Variants in CCDC148 observed in about 807,000 individuals in gnomAD.
CCDC148 encodes coiled-coil domain-containing protein 148.
Under a neutral mutation model 85.7 loss-of-function variants are expected in CCDC148, and 89 were observed. The ratio of observed to expected loss-of-function variants is 1.04; its 90% CI spans 0.87 to 1.24. The LOEUF (loss-of-function observed/expected upper bound fraction) is 1.24. Among genes scored for constraint, CCDC148 ranks in the 50% most tolerant of loss-of-function variants. CCDC148 has a pLI of 0.00. For synonymous variants in CCDC148, 230 were observed against 213.9 expected (o/e 1.08, Z -0.66); for missense variants, 692 against 671.7 (o/e 1.03, Z -0.33).
intron 1 of CCDC148, among the ~76,000 whole-genome samples, chr2:158,437,254 C>G (rs891055842): frequency 6.6e-6 from 1 of 152,164 alleles, no homozygotes; most frequent in Non-Finnish European, 1.5e-5. Flanking sequence ...CCGAATCCAG[C>G]AGCACATCAA....
Position 158,171,937 on chromosome 2 carries a change from A to C in CCDC148, c.*176T>G. The C allele has an allele frequency of 2.0e-6, 1 of 499,182 alleles. No individual in the cohort carries two copies. Among genetic ancestry groups the C allele is most frequent in the Non-Finnish European group, 3.5e-6 (1 of 288,888 alleles). 30.9% of individuals were successfully genotyped at this position (499,182 alleles called of 1,614,324 possible). On this transcript the variant is annotated 3_prime_UTR_variant, in exon 14 of 14. Coordinates refer to ENST00000283233, the MANE Select transcript of CCDC148 (RefSeq NM_138803.4). ...ACTATTAAATATAACTTAAAGATAC[A>C]GGAAATATAGTGCATAAAATTCTAA...
intron 9 of CCDC148, among the ~76,000 whole-genome samples, chr2:158,308,499 C>T (rs568924772): frequency 9.2e-5 from 14 of 152,248 alleles, no homozygotes; most frequent in African/African-American, 3.4e-4. Context: ...AAACATTTTT[C>T]CTCTAATGTT....
At chr2:158,341,420 C>T (rs941220637) in intron 3 of CCDC148, among the ~76,000 whole-genome samples, 2 of 151,718 alleles carry the variant, frequency 1.3e-5, no homozygotes, top group Non-Finnish European at 2.9e-5. Flanking sequence ...GATCCTCGTG[C>T]CTAAGCCTCC....
chr2:158,432,059 A>T (rs1410151545), intron 1 of CCDC148, among the ~76,000 whole-genome samples: 1 of 152,192 alleles, frequency 6.6e-6, no homozygotes, highest in Non-Finnish European at 1.5e-5. Context: ...GGTTTTATAT[A>T]ATGAATAAGC....
chr2:158,436,258 A>G (rs1231753153), intron 1 of CCDC148, among the ~76,000 whole-genome samples: 1 of 152,208 alleles, frequency 6.6e-6, no homozygotes. Flanking sequence ...GTCAAAGAAC[A>G]GAAATTATAA....
intron 9 of CCDC148, among the ~76,000 whole-genome samples, chr2:158,300,296 G>A (rs1691380764): frequency 6.6e-6 from 1 of 152,174 alleles, no homozygotes; most frequent in Non-Finnish European, 1.5e-5. Context: ...AAAAGTTACT[G>A]AGCACCTATC....
chr2:158,355,163 T>A (rs1287801711), intron 2 of CCDC148, among the ~76,000 whole-genome samples: 1 of 151,640 alleles, frequency 6.6e-6, no homozygotes, highest in East Asian at 2.0e-4. Context: ...CTTTGAAAAC[T>A]GGCACAAGAC....
chr2:158,273,197 T>G (rs572052753), intron 9 of CCDC148, among the ~76,000 whole-genome samples: 1 of 152,168 alleles, frequency 6.6e-6, no homozygotes. Flanking sequence ...ACAGACCTGA[T>G]ACAGAAGGCA....
At chr2:158,248,567 T>C (rs115787148) in intron 10 of CCDC148, among the ~76,000 whole-genome samples, 2 of 152,154 alleles carry the variant, frequency 1.3e-5, no homozygotes. Context: ...ACAAATTTGA[T>C]AGGGCACTTC....
At chr2:158,204,901 G>T (rs569688200) in intron 11 of CCDC148, among the ~76,000 whole-genome samples, 2 of 152,290 alleles carry the variant, frequency 1.3e-5, no homozygotes, top group Admixed American at 1.3e-4. Context: ...TCCATCTGAA[G>T]ACCCAGTGGA....
At chr2:158,286,114 G>T (rs995757544) in intron 9 of CCDC148, among the ~76,000 whole-genome samples, 3 of 151,842 alleles carry the variant, frequency 2.0e-5, no homozygotes, top group African/African-American at 7.3e-5. Flanking sequence ...GTATACCAAG[G>T]TTGCTTATAA....
chr2:158,355,876 A>G (rs1683603559), intron 2 of CCDC148, among the ~76,000 whole-genome samples: 1 of 133,856 alleles, frequency 7.5e-6, no homozygotes. Flanking sequence ...TGGTACCAAA[A>G]CAGAGATATA....
intron 10 of CCDC148, among the ~76,000 whole-genome samples, chr2:158,225,427 C>A (rs1434181574): frequency 6.6e-5 from 10 of 152,178 alleles, no homozygotes; most frequent in Non-Finnish European, 7.4e-5. Flanking sequence ...ATATCCAGGA[C>A]TTGAACTCAG....
chr2:158,311,462 G>A (rs1379033418), intron 8 of CCDC148, among the ~76,000 whole-genome samples: 3 of 152,168 alleles, frequency 2.0e-5, no homozygotes, highest in Admixed American at 1.3e-4. Flanking sequence ...TGTGGAAAGC[G>A]GGAGATGGAG....
At chr2:158,247,397 AC>A (rs2105138190) in intron 10 of CCDC148, among the ~76,000 whole-genome samples, 1 of 152,338 alleles carries the variant, frequency 6.6e-6, no homozygotes, top group Non-Finnish European at 1.5e-5. Context: ...AATCTACAAC[AC>A]AGTTATTCTC....
intron 10 of CCDC148, among the ~76,000 whole-genome samples, chr2:158,242,373 T>C (rs544879029): frequency 6.6e-6 from 1 of 152,118 alleles, no homozygotes; most frequent in South Asian, 2.1e-4. Context: ...CTGAGGCCTT[T>C]CTAAGTGCCA....
intron 10 of CCDC148, among the ~76,000 whole-genome samples, chr2:158,236,358 A>AC (rs1688108317): frequency 6.6e-6 from 1 of 152,200 alleles, no homozygotes; most frequent in Non-Finnish European, 1.5e-5. Flanking sequence ...GGATTAAAAA[A>AC]TAACTGTCAT....
At chr2:158,403,552 G>C (rs1685876173) in intron 1 of CCDC148, among the ~76,000 whole-genome samples, 1 of 151,994 alleles carries the variant, frequency 6.6e-6, no homozygotes, top group Non-Finnish European at 1.5e-5. Flanking sequence ...TCAGAAACCT[G>C]ACAGAGAGCA....
chr2:158,342,016 A>ATTTTTTTTTTTTTTTTTTTTTTTT (rs1559083849), intron 3 of CCDC148, among the ~76,000 whole-genome samples: 1 of 102,878 alleles, frequency 9.7e-6, no homozygotes, highest in Non-Finnish European at 1.8e-5. Flanking sequence ...ACGTGTCATT[A>ATTTTTTTTTTTTTTTTTTTTTTTT]TTTTCTTTTC....
Sources: gnomAD v4.1 joint callset for allele counts (sites outside exome capture counted in the v4.1 genomes callset) on GRCh38, gnomAD v4.1.1 for gene constraint, MANE v1.5 for transcripts, NCBI Gene and HGNC (gene_info 2026-07-23, HGNC 2026-07-21) for gene names.